PKD1: variants seen among roughly 807,000 people sequenced by gnomAD.
PKD1 encodes the protein polycystin 1, transient receptor potential channel interacting, also known as polycystin-1.
Under a neutral mutation model 361.7 loss-of-function variants are expected in PKD1, and 81 were observed. The ratio of observed to expected loss-of-function variants is 0.22; its 90% CI spans 0.19 to 0.27. The LOEUF (loss-of-function observed/expected upper bound fraction) is 0.27, where lower values mean the gene tolerates loss of function less well. Ranked by LOEUF, PKD1 falls within the 10% of genes least tolerant of loss-of-function variation. The pLI is 1.00. For synonymous variants in PKD1, 3,615 were observed against 2,818.3 expected, an observed-to-expected ratio of 1.28 and a Z score of -8.95; for missense variants, 6,399 against 6,118.3, an observed-to-expected ratio of 1.05 and a Z score of -1.53.
rs771494407 is a variant in PKD1, at chr16:2,090,742, G to A, written c.12070C>T (p.Pro4024Ser). The A allele has an allele frequency of 5.0e-6, 8 of 1,612,462 alleles. No individual in the cohort carries two copies. The highest frequency in any genetic ancestry group is 1.7e-5 in the Admixed American group (1 of 60,002). Residue 4024 changes from proline (P) to serine (S), a missense_variant, in exon 44 of 46, where the codon CCA becomes TCA. Transcript: ENST00000262304. ...CCCAAGGTGACCCCCAGGAGCTCTG[G>A]CAGAGCTCGGCATAATGTCTTGCCA... Reference protein sequence around the residue: ...VFGKTLCRALPELLGVTLGLV... With the variant: ...VFGKTLCRALSELLGVTLGLV...
chr16:2,105,803 A>G, intron 20 of PKD1, 62 bp downstream of exon 20: 2 of 1,515,288 alleles, frequency 1.3e-6, no homozygotes. Context: ...AGGCAGGGGT[A>G]CAGGTCTTGG....
In PKD1 at chr16:2,111,737, C is replaced by A; in HGVS notation, c.3430G>T (p.Val1144Phe). Reference protein sequence around the residue: ...SDGVLVAGRPVTFYPHPLPSP... With the variant: ...SDGVLVAGRPFTFYPHPLPSP... ...GGCAGCGGGTGCGGGTAGAAGGTGA[C>A]GGGCCGGCCGGCCACCAGGACGCCG... The change falls in exon 15 of 46, where the codon GTC (valine) becomes TTC (phenylalanine). Residue 1144 changes from valine to phenylalanine, a missense_variant. Physicochemically the swap from Val to Phe is conservative, Grantham distance 50 (BLOSUM62 -1). Coordinates refer to ENST00000262304, the MANE Select transcript of PKD1 (RefSeq NM_001009944.3). 6.3e-7 allele frequency: 1 copy of A among 1,597,590 alleles called. No individual in the cohort carries two copies. Among genetic ancestry groups the A allele is most frequent in the Non-Finnish European group, 8.5e-7 (1 of 1,173,758 alleles).
rs62624465 is a variant in PKD1, at chr16:2,093,989, C to T, written c.10643G>A (p.Arg3548His). ...RTGLVEGLRK[R>H]LLPAWCASLA... ...GGAGGCACACCAGGCCGGCAGCAGG[C>T]GCTTCCGCAGACCCTCCACCAGTCC... Residue 3548 changes from arginine to histidine, a missense_variant, in exon 36 of 46, where the codon CGC becomes CAC. Physicochemically the swap from Arg to His is conservative, Grantham distance 29. Coordinates refer to ENST00000262304, the MANE Select transcript of PKD1 (RefSeq NM_001009944.3). 2.3e-4 allele frequency: 359 copies of T among 1,587,216 alleles called. No individual in the cohort carries two copies. Among genetic ancestry groups the T allele is most frequent in the South Asian group, 3.9e-4 (34 of 87,934 alleles).
At chr16:2,101,848 T>C in intron 26 of PKD1, 1 of 617,118 alleles carries the variant, frequency 1.6e-6, no homozygotes, top group Non-Finnish European at 2.9e-6. Flanking sequence ...CCACCCTGAC[T>C]GACTGGCACC....
chr16:2,095,355 G>C (rs995113580), intron 34 of PKD1: 1 of 152,190 alleles, frequency 6.6e-6, no homozygotes, highest in African/African-American at 2.4e-5. Context: ...AGACTTTGCA[G>C]TGAGCCGAGA....
rs1249626750 is a variant in PKD1 at position 2,109,618 on chromosome 16, G to C, written c.5549C>G (p.Pro1850Arg). Reference sequence around the variant, plus strand: ...ATCCGGGAAGACCATGGTGACATGAGGGCCACGCTTGCTGCTGCCGCCGGG... The same window carrying C: ...ATCCGGGAAGACCATGGTGACATGACGGCCACGCTTGCTGCTGCCGCCGGG... Reference protein sequence around the residue: ...AVPGGSSKRGPHVTMVFPDAG... With the variant: ...AVPGGSSKRGRHVTMVFPDAG... Residue 1850 changes from proline to arginine, a missense_variant, in exon 15 of 46, where the codon CCT becomes CGT. By Grantham distance (103) the Pro-to-Arg change is moderately radical (BLOSUM62 -2). Coordinates refer to ENST00000262304, the MANE Select transcript of PKD1 (RefSeq NM_001009944.3). 4.4e-6 allele frequency: 7 copies of C among 1,608,768 alleles called. No homozygotes were observed. The South Asian group carries it at 4.4e-5, about 10-fold the overall frequency.
intron 1 of PKD1, among the ~76,000 whole-genome samples, chr16:2,127,425 G>A (rs1877759131): frequency 6.6e-6 from 1 of 152,234 alleles, no homozygotes. Flanking sequence ...TGCGCTGAAG[G>A]CACCGAGGCT....
At position 2,103,546 on chromosome 16, in the gene PKD1, G is replaced by A. The variant is rs750550230; in HGVS notation, c.8511C>T (p.Gly2837=). 34 of 1,609,074 alleles carry A rather than the reference G, an allele frequency of 2.1e-5. No homozygotes were observed. The Middle Eastern group carries it at 9.0e-4, about 43-fold the overall frequency. Residue 2837 remains glycine (G), a synonymous_variant, in exon 23 of 46, where the codon GGC becomes GGT. Coordinates refer to ENST00000262304, the MANE Select transcript of PKD1 (RefSeq NM_001009944.3). ...TGGAGACGGTGTAGTTGCTGATATA[G>A]CCAAAGGGAAAGGGATTGGAGTCCA... ...FLVDSNPFPF[G]YISNYTVSTK...
chr16:2,114,104 C>G (rs2092587244), intron 11 of PKD1, 66 bp downstream of exon 11: 2 of 1,347,584 alleles, frequency 1.5e-6, no homozygotes, highest in Non-Finnish European at 2.1e-6. Context: ...GCCTCACGCC[C>G]TGTGTGAGCA....
At position 2,109,383 on chromosome 16, in the gene PKD1, G is replaced by A. The variant is rs1250472505; in HGVS notation, c.5784C>T (p.Pro1928=). 6.9e-6 allele frequency: 11 copies of A among 1,596,864 alleles called. No homozygotes were observed. Among genetic ancestry groups the A allele is most frequent in the East Asian group, 2.2e-5 (1 of 44,806 alleles). ...TFRLQVGGAN[P]EVLPGPRFSH... ...AGAAACGGGGCCCGGGGAGCACCTC[G>A]GGGTTGGCCCCGCCGACCTGCAGGC... The change falls in exon 15 of 46, where the codon CCC becomes CCT. Residue 1928 remains proline, a synonymous_variant. Transcript: ENST00000262304.
At chr16:2,122,992 G>C (rs1319786066) in intron 1 of PKD1, among the ~76,000 whole-genome samples, 3 of 152,232 alleles carry the variant, frequency 2.0e-5, no homozygotes, top group Non-Finnish European at 2.9e-5. Context: ...TCCATCAAGA[G>C]TGGCTGCTGC....
In PKD1 at chr16:2,089,018, G is replaced by C; in HGVS notation, c.*709C>G. ...CCCAGACCTGATGCCAGCAGGCCTG[G>C]GCGCTGCTCTCTTGCTACCTGGCCT... On this transcript the variant is annotated 3_prime_UTR_variant, in exon 46 of 46. Transcript: ENST00000262304. 4.6e-6 allele frequency: 1 copy of C among 218,172 alleles called. No individual in the cohort carries two copies. The highest frequency in any genetic ancestry group is 5.2e-5 in the Admixed American group (1 of 19,136). 13.5% of individuals were successfully genotyped at this position (218,172 alleles called of 1,614,324 possible).
Position 2,091,433 on chromosome 16 carries a change from A to G in PKD1, c.11702T>C (p.Leu3901Pro). ...CGGGGACGGGCGTACCGAGGTGAGCAGAGGCAGCGAGAGGCCCGCGCTGAG... is the reference window on the plus strand; with the variant it reads ...CGGGGACGGGCGTACCGAGGTGAGCGGAGGCAGCGAGAGGCCCGCGCTGAG... ...RRLSAGLSLPLLTSVCLLLFA... is the reference protein window; with the variant it reads ...RRLSAGLSLPPLTSVCLLLFA... Residue 3901 changes from leucine to proline, a missense_variant, in exon 42 of 46, where the codon CTG (leucine) becomes CCG (proline). Transcript: ENST00000262304. 2.5e-6 allele frequency: 3 copies of G among 1,184,880 alleles called. No individual in the cohort carries two copies. The highest frequency in any genetic ancestry group is 3.1e-6 in the Non-Finnish European group (3 of 955,828). The allele number at this position is 1,184,880 out of a possible 1,614,324, so 73.4% of individuals were successfully genotyped here.
In PKD1 at chr16:2,106,038, G is replaced by C. The variant is rs769894398; in HGVS notation, c.7704-14C>G. ...ATGGCCAAAGACCTACGAGCAGAGG[G>C]GGGTGGTGAGCAGGTGGCAGTCTCG... On this transcript the variant is annotated splice_polypyrimidine_tract_variant and intron_variant, in intron 19 of 45. Coordinates refer to ENST00000262304, the MANE Select transcript of PKD1 (RefSeq NM_001009944.3). This position sits in a 1 kb window ranked among gnomAD's most constrained non-coding sequence, Gnocchi z 6.5. 8 of 1,607,172 alleles carry C rather than the reference G, an allele frequency of 5.0e-6. No individual in the cohort carries two copies. Among genetic ancestry groups the C allele is most frequent in the East Asian group, 2.2e-5 (1 of 44,856 alleles).
Position 2,093,703 on chromosome 16 carries a change from G to T in PKD1, c.10857C>A (p.Ala3619=). Residue 3619 remains alanine (A), a synonymous_variant, in exon 37 of 46, where the codon GCC becomes GCA. Transcript: ENST00000262304. The stretch of plus-strand genomic sequence containing the variant: ...CATCTTCATCCGGGTGCAGCCGCTT[G>T]GCCACCAGTGAGAAGTACAGGGCTT... ...LLEALYFSLV[A]KRLHPDEDDT... is the part of the protein sequence containing the mutation. 6.3e-7 allele frequency: 1 copy of T among 1,597,168 alleles called. No individual in the cohort carries two copies. The highest frequency in any genetic ancestry group is 8.5e-7 in the Non-Finnish European group (1 of 1,171,496).
rs371391856 is a variant in PKD1, at chr16:2,111,804, G to A, written c.3363C>T (p.Ser1121=). The part of the protein sequence containing the change: ...FENLTQQVPV[S]VRASLPSVAV... ...CCACGGAGGGCAGGGAGGCGCGCACGCTCACAGGCACCTGCTGCGTCAGGT... is the reference window on the plus strand; with the variant it reads ...CCACGGAGGGCAGGGAGGCGCGCACACTCACAGGCACCTGCTGCGTCAGGT... Residue 1121 remains serine (S), a synonymous_variant, in exon 15 of 46, where the codon AGC becomes AGT. Coordinates refer to ENST00000262304, the MANE Select transcript of PKD1 (RefSeq NM_001009944.3). 3 of 1,609,646 alleles carry A rather than the reference G, an allele frequency of 1.9e-6. No homozygotes were observed. Among genetic ancestry groups the A allele is most frequent in the Non-Finnish European group, 2.5e-6 (3 of 1,179,322 alleles).
chr16:2,101,910 G>A lies in PKD1; in HGVS notation c.9397+151C>T, dbSNP rs557163912. The A allele has an allele frequency of 4.2e-5, 28 of 662,996 alleles. No individual in the cohort carries two copies. The East Asian group carries it at 7.0e-4, about 17-fold the overall frequency. The allele number at this position is 662,996 out of a possible 1,614,324, so 41.1% of individuals were successfully genotyped here. ...CCTCAGGGACAGTGAGTGCTCACGA[G>A]GTCATTCCCAGGATGAACACACGAG... On this transcript the variant is annotated intron_variant, in intron 26 of 45. Coordinates refer to ENST00000262304, the MANE Select transcript of PKD1 (RefSeq NM_001009944.3).
rs780816874 is a variant in PKD1 at position 2,102,631 on chromosome 16, C to G, written c.8951G>C (p.Ser2984Thr). 2.5e-6 allele frequency: 4 copies of G among 1,610,982 alleles called. No individual in the cohort carries two copies. Among genetic ancestry groups the G allele is most frequent in the East Asian group, 2.2e-5 (1 of 44,886 alleles). Residue 2984 changes from serine to threonine, a missense_variant and splice_region_variant, in exon 25 of 46, where the codon AGC becomes ACC. Transcript: ENST00000262304. ...ATGGTAACTCCCCGCTGGGTCTCTG[C>G]TCCTGGGCAGGGAAGGGGTAGCGGA... is the stretch of plus-strand genomic sequence containing the variant. ...RPYTFFISPG[S>T]RDPAGSYHLN...
chr16:2,123,082 C>A (rs2092747554), intron 1 of PKD1, among the ~76,000 whole-genome samples: 1 of 152,218 alleles, frequency 6.6e-6, no homozygotes, highest in Non-Finnish European at 1.5e-5. Context: ...GCCCATCCCA[C>A]TGTGAACCAG....
Sources: allele counts gnomAD v4.1 joint callset (sites outside exome capture counted in the v4.1 genomes callset), GRCh38; gene constraint gnomAD v4.1.1; non-coding constraint Gnocchi (gnomAD v3.1); transcripts MANE v1.5; gene names NCBI Gene and HGNC (gene_info 2026-07-23, HGNC 2026-07-21).